NSF: variants seen among roughly 807,000 people sequenced by gnomAD.
The protein encoded by NSF is N-ethylmaleimide sensitive factor, vesicle fusing ATPase.
Under a neutral mutation model 50.3 loss-of-function variants are expected in NSF, and 14 were observed. That is an observed-to-expected ratio of 0.28 (90% CI 0.18 to 0.44). NSF has a LOEUF of 0.44. Ranked by LOEUF, NSF falls within the 20% of genes least tolerant of loss-of-function variation. The pLI, the probability that NSF is intolerant of heterozygous loss-of-function variation, is 1.00. For missense variants in NSF, 218 were observed against 504.3 expected (o/e 0.43, Z 5.44); for synonymous variants, 109 against 175.7 (o/e 0.62, Z 3.00).
chr17:46,595,979 A>C, intron 1 of NSF, among the ~76,000 whole-genome samples: 1 of 97,232 alleles, frequency 1.0e-5, no homozygotes, highest in Non-Finnish European at 1.8e-5. Context: ...TAAGAGAATA[A>C]CCTCCAGTTC....
chr17:46,679,703 A>G (rs1457404608), intron 9 of NSF, among the ~76,000 whole-genome samples: 2 of 151,664 alleles, frequency 1.3e-5, no homozygotes, highest in Non-Finnish European at 2.9e-5. Flanking sequence ...AAAAAAAAAA[A>G]AAAGAAGCTA....
intron 1 of NSF, among the ~76,000 whole-genome samples, chr17:46,598,752 C>T (rs2057887003): frequency 6.6e-6 from 1 of 151,992 alleles, no homozygotes; most frequent in Non-Finnish European, 1.5e-5. Context: ...GGGTGAATGA[C>T]ATCATTACCA....
At chr17:46,699,402 GAC>G (rs4061825) in intron 12 of NSF, among the ~76,000 whole-genome samples, 73,637 of 141,984 alleles carry the variant, frequency 0.52, 16,902 homozygotes, top group South Asian at 0.68. Flanking sequence ...ATAAACTGAG[GAC>G]ACACACACAC....
intron 1 of NSF, among the ~76,000 whole-genome samples, chr17:46,622,183 TGCA>T (rs1295134463): frequency 6.9e-6 from 1 of 144,218 alleles, no homozygotes; most frequent in Non-Finnish European, 1.5e-5. Context: ...ATGGGCTGGG[TGCA>T]GTGGCTCACA....
At chr17:46,747,976 A>G (rs2059147659) in intron 17 of NSF, among the ~76,000 whole-genome samples, 2 of 152,236 alleles carry the variant, frequency 1.3e-5, no homozygotes, top group African/African-American at 4.8e-5. Context: ...GAACATAGGA[A>G]TGAAGAAAAG....
At chr17:46,752,916 A>AC (rs2059195648) in intron 19 of NSF, among the ~76,000 whole-genome samples, 1 of 151,638 alleles carries the variant, frequency 6.6e-6, no homozygotes, top group Non-Finnish European at 1.5e-5. Context: ...ACAGGCGCCC[A>AC]CCCACCATGC....
Position 46,756,098 on chromosome 17 carries a change from G to A in NSF, c.*275G>A, listed in dbSNP as rs1598744457. 5.0e-6 allele frequency: 2 copies of A among 402,168 alleles called. No homozygotes were observed. The highest frequency in any genetic ancestry group is 7.8e-5 in the East Asian group (2 of 25,512). The allele number at this position is 402,168 out of a possible 1,614,324, so 24.9% of individuals were successfully genotyped here. A position where few individuals can be genotyped will look rare whatever the true frequency, so the allele number is the denominator to read the frequency against. ...TCCTTCTTGCTCAGTCCCTCTGGGT[G>A]GGAACCATCCAGTACTTGTGGACAC... On this transcript the variant is annotated 3_prime_UTR_variant, in exon 21 of 21. Transcript: ENST00000398238.
chr17:46,691,956 T>G (rs1224163844), intron 9 of NSF, among the ~76,000 whole-genome samples: 3 of 150,612 alleles, frequency 2.0e-5, no homozygotes, highest in Non-Finnish European at 4.4e-5. Context: ...TTTCACCATG[T>G]TGGCCAGGCT....
At position 46,710,957 on chromosome 17, in the gene NSF, TAATAGGC is replaced by T; in HGVS notation, c.1471-5_1472del. On this transcript the variant is annotated splice_acceptor_variant and splice_polypyrimidine_tract_variant and coding_sequence_variant and intron_variant, in exon 14 of 21. Transcript: ENST00000398238. LOFTEE classifies it high-confidence loss of function. ...CAAAATGCTTTAGACTCCTTTTTCT[TAATAGGC>T]CTTTGGCACAAACCAAGAAGATTAT... is the stretch of plus-strand genomic sequence containing the variant. 1 of 1,582,922 alleles carries T rather than the reference TAATAGGC, an allele frequency of 6.3e-7. No homozygotes were observed. The highest frequency in any genetic ancestry group is 8.5e-7 in the Non-Finnish European group (1 of 1,171,320).
chr17:46,716,468 A>G (rs1250967441), intron 15 of NSF, among the ~76,000 whole-genome samples: 2 of 152,126 alleles, frequency 1.3e-5, no homozygotes, highest in Admixed American at 1.3e-4. Flanking sequence ...CGTGTTAGCC[A>G]GGATGGTCTT....
intron 13 of NSF, among the ~76,000 whole-genome samples, chr17:46,708,115 C>G (rs966031752): frequency 3.3e-5 from 5 of 152,052 alleles, no homozygotes; most frequent in Non-Finnish European, 5.9e-5. Context: ...CAGGCTTCTG[C>G]CACGTTTTGG....
chr17:46,710,755 C>T (rs1310362747), intron 13 of NSF, among the ~76,000 whole-genome samples: 2 of 152,094 alleles, frequency 1.3e-5, no homozygotes, highest in Non-Finnish European at 2.9e-5. Context: ...TGTTTTTATT[C>T]CATTAAGTCA....
Position 46,751,582 on chromosome 17 carries a change from A to G in NSF, c.2123A>G (p.Lys708Arg), listed in dbSNP as rs751921136. Reference protein sequence around the residue: ...VKGKKVWIGIKKLLMLIEMSL... With the variant: ...VKGKKVWIGIRKLLMLIEMSL... ...GGGAAGAAGGTCTGGATAGGAATCA[A>G]GAAGTTACTAATGCTGATCGAGATG... Residue 708 changes from lysine (K) to arginine (R), a missense_variant, in exon 19 of 21, where the codon AAG becomes AGG. Physicochemically the swap from Lys to Arg is conservative, Grantham distance 26. Transcript: ENST00000398238. 9 of 1,613,926 alleles carry G rather than the reference A, an allele frequency of 5.6e-6. No homozygotes were observed. In the East Asian group the frequency reaches 2.0e-4, roughly 36 times the overall value.
intron 17 of NSF, among the ~76,000 whole-genome samples, chr17:46,743,757 G>T (rs542647728): frequency 6.6e-6 from 1 of 152,318 alleles, no homozygotes; most frequent in South Asian, 2.1e-4. Context: ...TAGACCTCCT[G>T]CCTGTGGCTG....
intron 17 of NSF, among the ~76,000 whole-genome samples, chr17:46,733,303 A>C (rs1295216910): frequency 6.6e-6 from 1 of 152,012 alleles, no homozygotes; most frequent in Non-Finnish European, 1.5e-5. Context: ...TGCAGCCTGC[A>C]GGACCAGTGG....
intron 15 of NSF, chr17:46,721,637 T>A (rs1016088352): frequency 5.0e-6 from 8 of 1,593,614 alleles, no homozygotes; most frequent in Non-Finnish European, 3.4e-6. Flanking sequence ...GAGCTTCTTA[T>A]AGACACCAGA....
intron 14 of NSF, among the ~76,000 whole-genome samples, chr17:46,713,572 C>A (rs954206515): frequency 3.9e-5 from 6 of 152,016 alleles, no homozygotes; most frequent in African/African-American, 1.4e-4. Flanking sequence ...GAAGCAAAAC[C>A]CTTACACTCT....
chr17:46,738,025 C>T (rs774623644), intron 17 of NSF, among the ~76,000 whole-genome samples: 1 of 151,888 alleles, frequency 6.6e-6, no homozygotes, highest in Admixed American at 6.6e-5. Context: ...CCTTTACCTC[C>T]TGGGCTCAAT....
intron 17 of NSF, among the ~76,000 whole-genome samples, chr17:46,747,570 G>A (rs569023424): frequency 4.3e-4 from 66 of 152,112 alleles, no homozygotes; most frequent in South Asian, 8.3e-4. Flanking sequence ...GTGAGCCACC[G>A]GCCTCAGAGA....
Sources: allele counts gnomAD v4.1 joint callset (sites outside exome capture counted in the v4.1 genomes callset), GRCh38; gene constraint gnomAD v4.1.1; transcripts MANE v1.5; gene names NCBI Gene and HGNC (gene_info 2026-07-23, HGNC 2026-07-21).